The following NOB1 variants were observed in gnomAD, a reference collection of about 807,000 sequenced individuals.
NOB1 encodes NIN1 (RPN12) binding protein 1 homolog, also known as RNA-binding protein NOB1.
Under a neutral mutation model 44.8 loss-of-function variants are expected in NOB1, and 44 were observed. The observed-to-expected ratio is 0.98, with a 90% CI of 0.77 to 1.26. The LOEUF is 1.26. NOB1 is among the 50% of genes most tolerant of loss of function. The pLI is 0.00. For synonymous variants in NOB1, 238 were observed against 218.7 expected (o/e 1.09, Z -0.78); for missense variants, 560 against 544.8 (o/e 1.03, Z -0.28).
chr16:69,744,822 T>C, intron 8 of NOB1, 51 bp downstream of exon 8: 1 of 1,589,076 alleles, frequency 6.3e-7, no homozygotes, highest in Non-Finnish European at 8.6e-7. Context: ...TTGTCCTTTC[T>C]GTTCTTTTTC....
Position 69,742,404 on chromosome 16 carries a change from G to A in NOB1, c.1167C>T (p.Asp389=). ...SSRSATLQVR[D]STLGAGRRRL... ...GTCTCCGCCCAGCTCCCAAGGTGCT[G>A]TCCCGGACCTGCAGGGTAGCTGAGC... The change falls in exon 9 of 9, where the codon GAC becomes GAT. Residue 389 remains aspartate, a synonymous_variant. Transcript: ENST00000268802. 1 of 1,614,262 alleles carries A rather than the reference G, an allele frequency of 6.2e-7. No homozygotes were observed. The highest frequency in any genetic ancestry group is 8.5e-7 in the Non-Finnish European group (1 of 1,180,034).
At chr16:69,745,958 T>A (rs927320989) in intron 7 of NOB1, among the ~76,000 whole-genome samples, 5 of 152,252 alleles carry the variant, frequency 3.3e-5, no homozygotes, top group Admixed American at 3.3e-4. Flanking sequence ...GTGAATTTAG[T>A]GCTTCTGTAA....
chr16:69,748,427 C>T, intron 6 of NOB1, 98 bp from the exon 7 acceptor site: 1 of 1,154,808 alleles, frequency 8.7e-7, no homozygotes, highest in Non-Finnish European at 1.2e-6. Context: ...TGCCCATATT[C>T]CTTGGCTTTT....
intron 8 of NOB1, among the ~76,000 whole-genome samples, chr16:69,744,244 C>A (rs945481695): frequency 2.0e-5 from 3 of 152,152 alleles, no homozygotes; most frequent in African/African-American, 7.2e-5. Flanking sequence ...TCGCTTGAAC[C>A]CCAGAGGTGG....
rs537250305 is a variant in NOB1, at chr16:69,754,875, C to G, written c.36G>C (p.Gly12=). Residue 12 remains glycine, a synonymous_variant, in exon 1 of 9, where the codon GGG becomes GGC. Transcript: ENST00000268802. The part of the protein sequence containing the change: ...APVEHVVADA[G]AFLRHAALQD... ...GCAGAGCCGCATGCCGCAGGAAAGC[C>G]CCAGCATCCGCCACAACGTGCTCCA... The G allele has an allele frequency of 6.3e-7, 1 of 1,597,584 alleles. No homozygotes were observed. The highest frequency in any genetic ancestry group is 8.5e-7 in the Non-Finnish European group (1 of 1,173,268).
chr16:69,742,140 C>A lies in NOB1; in HGVS notation c.*192G>T, dbSNP rs2038386525. ...CTTCCTTGGCAGGCAGCCAGGCGCT[C>A]CGGTGCTCACAGGCCATGGGACAGT... On this transcript the variant is annotated 3_prime_UTR_variant, in exon 9 of 9. Coordinates refer to ENST00000268802, the MANE Select transcript of NOB1 (RefSeq NM_014062.3). 7 of 610,744 alleles carry A rather than the reference C, an allele frequency of 1.1e-5. 1 individual carries two copies. In the South Asian group the frequency reaches 1.9e-4, roughly 17 times the overall value. 37.8% of individuals were successfully genotyped at this position (610,744 alleles called of 1,614,324 possible).
At chr16:69,748,173 AAAAG>A (rs2060675277) in intron 7 of NOB1, 55 bp downstream of exon 7, 2 of 1,350,066 alleles carry the variant, frequency 1.5e-6, no homozygotes, top group East Asian at 2.3e-5. Context: ...TCAAAACAAA[AAAAG>A]AAACAGGAAG....
In NOB1 at chr16:69,754,876, C is replaced by A. The variant is rs561570866; in HGVS notation, c.35G>T (p.Gly12Val). Reference sequence around the variant, plus strand: ...CAGAGCCGCATGCCGCAGGAAAGCCCCAGCATCCGCCACAACGTGCTCCAC... The same window carrying A: ...CAGAGCCGCATGCCGCAGGAAAGCCACAGCATCCGCCACAACGTGCTCCAC... ...APVEHVVADA[G>V]AFLRHAALQD... The change falls in exon 1 of 9, where the codon GGG becomes GTG. Residue 12 changes from glycine (G) to valine (V), a missense_variant. Physicochemically the swap from Gly to Val is moderately radical, Grantham distance 109. Transcript: ENST00000268802. 3.6e-5 allele frequency: 58 copies of A among 1,595,724 alleles called. 1 individual carries two copies. The South Asian group carries it at 4.9e-4, about 14-fold the overall frequency.
chr16:69,752,254 T>C lies in NOB1; in HGVS notation c.314A>G (p.Gln105Arg). 1 of 1,612,060 alleles carries C rather than the reference T, an allele frequency of 6.2e-7. No homozygotes were observed. Among genetic ancestry groups the C allele is most frequent in the Non-Finnish European group, 8.5e-7 (1 of 1,179,336 alleles). The change falls in exon 3 of 9, where the codon CAA becomes CGA. Residue 105 changes from glutamine (Q) to arginine (R), a missense_variant. Gln to Arg is a conservative substitution (Grantham distance 43). Transcript: ENST00000268802. ...CTCTTGATTTACCTTCTGTGGTTCT[T>C]GTTTTAGGTGAGACACCCCAACAAA... ...AEFVGVSHLK[Q>R]EPQKVKVSSS...
In NOB1 at chr16:69,754,612, G is replaced by A. The variant is rs774845473; in HGVS notation, c.178C>T (p.Pro60Ser). The change falls in exon 2 of 9, where the codon CCG (proline) becomes TCG (serine). Residue 60 changes from proline to serine, a missense_variant. Pro to Ser is a moderately conservative substitution (Grantham distance 74). Coordinates refer to ENST00000268802, the MANE Select transcript of NOB1 (RefSeq NM_014062.3). ...CACTCACCCAGCCGCACGTATTCCGGTAAGGGCTCCTTGAACCGCAGCTCG... is the reference window on the plus strand; with the variant it reads ...CACTCACCCAGCCGCACGTATTCCGATAAGGGCTCCTTGAACCGCAGCTCG... ...PYELRFKEPL[P>S]EYVRLVTEFS... 3 of 1,614,148 alleles carry A rather than the reference G, an allele frequency of 1.9e-6. No homozygotes were observed. The highest frequency in any genetic ancestry group is 1.3e-5 in the African/African-American group (1 of 75,066).
chr16:69,742,723 T>A (rs569382738), intron 8 of NOB1, 122 bp from the exon 9 acceptor site: 7 of 972,128 alleles, frequency 7.2e-6, no homozygotes, highest in African/African-American at 1.6e-5. Flanking sequence ...CGGGTGGTAA[T>A]TGACTGCCTA....
At chr16:69,752,208 C>A (rs928802414) in intron 3 of NOB1, 33 bp downstream of exon 3, 3 of 1,601,374 alleles carry the variant, frequency 1.9e-6, no homozygotes, top group African/African-American at 2.7e-5. Flanking sequence ...TCCCATAATA[C>A]AAAGCTTTTA....
intron 6 of NOB1, 95 bp from the exon 7 acceptor site, chr16:69,748,424 A>G: frequency 8.5e-7 from 1 of 1,173,968 alleles, no homozygotes; most frequent in Non-Finnish European, 1.2e-6. Flanking sequence ...CCTTGCCCAT[A>G]TTCCTTGGCT....
At chr16:69,743,696 C>T (rs1051174387) in intron 8 of NOB1, among the ~76,000 whole-genome samples, 1 of 152,188 alleles carries the variant, frequency 6.6e-6, no homozygotes, top group Non-Finnish European at 1.5e-5. Flanking sequence ...GAAAGGACCC[C>T]AGTCGAAAAA....
At chr16:69,754,096 G>A (rs1433219498) in intron 2 of NOB1, among the ~76,000 whole-genome samples, 1 of 152,180 alleles carries the variant, frequency 6.6e-6, no homozygotes, top group African/African-American at 2.4e-5. Context: ...AAGCCACCGC[G>A]CCCAGCTTAA....
chr16:69,744,486 G>A (rs1419930274), intron 8 of NOB1, among the ~76,000 whole-genome samples: 3 of 152,082 alleles, frequency 2.0e-5, no homozygotes, highest in Non-Finnish European at 4.4e-5. Flanking sequence ...CTTCCCTCCC[G>A]ATTCTCTGCG....
At chr16:69,743,256 A>G (rs561311895) in intron 8 of NOB1, among the ~76,000 whole-genome samples, 11 of 152,354 alleles carry the variant, frequency 7.2e-5, no homozygotes, top group African/African-American at 2.6e-4. Flanking sequence ...GTTCTTCTTT[A>G]CAGTATAATA....
chr16:69,748,464 C>T, intron 6 of NOB1, 135 bp from the exon 7 acceptor site: 1 of 720,782 alleles, frequency 1.4e-6, no homozygotes, highest in East Asian at 2.8e-5. Context: ...CTGGGGAGGC[C>T]TCTCAAGATG....
chr16:69,752,474 G>T, intron 2 of NOB1, 103 bp from the exon 3 acceptor site: 1 of 1,178,808 alleles, frequency 8.5e-7, no homozygotes, highest in East Asian at 2.4e-5. Context: ...CAAAATAATG[G>T]AAGTATCAAA....
Sources: allele counts gnomAD v4.1 joint callset (sites outside exome capture counted in the v4.1 genomes callset), GRCh38; gene constraint gnomAD v4.1.1; transcripts MANE v1.5; gene names NCBI Gene and HGNC (gene_info 2026-07-23, HGNC 2026-07-21).